Variants in KIF13B observed in about 807,000 individuals in gnomAD.
The protein encoded by KIF13B is kinesin-like protein KIF13B.
In KIF13B, 127 loss-of-function variants were observed where a neutral mutation model predicts 222.0. That is an observed-to-expected ratio of 0.57 (90% confidence interval 0.50 to 0.66). The LOEUF (loss-of-function observed/expected upper bound fraction) is 0.66, where lower values mean the gene tolerates loss of function less well. KIF13B is among the 30% of genes least tolerant of loss of function. The pLI is 0.00. For missense variants in KIF13B, 2,173 were observed against 2,379.0 expected, an observed-to-expected ratio of 0.91 and a Z score of 1.80; for synonymous variants, 976 against 919.0, an observed-to-expected ratio of 1.06 and a Z score of -1.12.
At chr8:29,247,567 G>A (rs983638592) in intron 1 of KIF13B, among the ~76,000 whole-genome samples, 4 of 152,230 alleles carry the variant, frequency 2.6e-5, no homozygotes, top group East Asian at 3.9e-4. Flanking sequence ...AATGGCTCAC[G>A]CCTGTAATCC....
rs368696178 is a variant in KIF13B at position 29,070,557 on chromosome 8, T to C, written c.5428A>G (p.Lys1810Glu). The C allele has an allele frequency of 1.3e-5, 21 of 1,608,306 alleles. No homozygotes were observed. The African/African-American group carries it at 2.7e-4, about 20-fold the overall frequency. The change falls in exon 40 of 40, where the codon AAG becomes GAG. Residue 1810 changes from lysine (K) to glutamate (E), a missense_variant. By Grantham distance (56) the Lys-to-Glu change is moderately conservative. Coordinates refer to ENST00000524189, the MANE Select transcript of KIF13B (RefSeq NM_015254.4). The surrounding 1 kb of genome is among the most constrained non-coding windows in gnomAD (Gnocchi z 4.1). ...GGGTTCTTGTGGCTCCTGTCGGCCT[T>C]GGCCAGGGCAGCTGTCAGCGAGGCC... ...NLASLTAALA[K>E]ADRSHKNPEN... is the part of the protein sequence containing the mutation.
intron 22 of KIF13B, 108 bp downstream of exon 22, chr8:29,133,932 G>T: frequency 1.9e-6 from 2 of 1,057,106 alleles, no homozygotes; most frequent in Non-Finnish European, 2.7e-6. Flanking sequence ...TACAGAAACT[G>T]CTCCAAGACA....
intron 18 of KIF13B, among the ~76,000 whole-genome samples, chr8:29,144,030 C>T (rs369948782): frequency 4.1e-5 from 6 of 144,588 alleles, no homozygotes; most frequent in African/African-American, 1.5e-4. Context: ...TAAAAAACCA[C>T]AAAGTTAAAA....
intron 18 of KIF13B, among the ~76,000 whole-genome samples, chr8:29,143,417 C>T (rs1300799472): frequency 3.9e-5 from 6 of 152,204 alleles, no homozygotes; most frequent in South Asian, 4.1e-4. Flanking sequence ...GATTCACCCA[C>T]GTGGAAGCAA....
At chr8:29,109,806 G>C (rs1359024250) in intron 33 of KIF13B, 112 bp downstream of exon 33, 3 of 1,026,462 alleles carry the variant, frequency 2.9e-6, no homozygotes, top group South Asian at 1.6e-5. Flanking sequence ...AAGTTCATTA[G>C]AGTGAACTCT....
chr8:29,195,758 A>T (rs1028680729), intron 3 of KIF13B, among the ~76,000 whole-genome samples: 1 of 152,092 alleles, frequency 6.6e-6, no homozygotes, highest in Non-Finnish European at 1.5e-5. Context: ...AGTGGGGAGG[A>T]TGAGTCGGTT....
At chr8:29,234,938 T>C (rs1815441770) in intron 2 of KIF13B, among the ~76,000 whole-genome samples, 1 of 152,202 alleles carries the variant, frequency 6.6e-6, no homozygotes, top group Non-Finnish European at 1.5e-5. Flanking sequence ...TGAATCTTTA[T>C]ACAAAACCTG....
intron 2 of KIF13B, among the ~76,000 whole-genome samples, chr8:29,200,505 C>A (rs1399027211): frequency 6.6e-6 from 1 of 152,114 alleles, no homozygotes; most frequent in Admixed American, 6.5e-5. Flanking sequence ...CAAAAAGCTC[C>A]AAAAATAGTA....
rs1812464936 is a variant in KIF13B at position 29,176,058 on chromosome 8, A to C, written c.945+10T>G. ...AAAGTATGCCAGGAAGGGAAAAAAA[A>C]CAAACTTACTTTGAGCAGCCAAGTG... On this transcript the variant is annotated intron_variant, in intron 10 of 39. Coordinates refer to ENST00000524189, the MANE Select transcript of KIF13B (RefSeq NM_015254.4). 6.4e-7 allele frequency: 1 copy of C among 1,572,464 alleles called. No homozygotes were observed. Among genetic ancestry groups the C allele is most frequent in the African/African-American group, 1.3e-5 (1 of 74,182 alleles).
rs189373089 is a variant in KIF13B, at chr8:29,224,120, T to C, written c.149+21226A>G. On this transcript the variant is annotated intron_variant, in intron 2 of 39. Transcript: ENST00000524189. ...TTCACGCCATTCTCCGCCTCCCGAG[T>C]AGCTGGGACTACAGGCACCCGCCAC... Among the ~76,000 whole-genome samples, 603 of 151,574 alleles carry C rather than the reference T, an allele frequency of 4.0e-3. 4 individuals are homozygous for C. Among genetic ancestry groups the C allele is most frequent in the African/African-American group, 0.013 (552 of 41,256 alleles).
At chr8:29,159,333 A>G (rs1291413521) in intron 13 of KIF13B, among the ~76,000 whole-genome samples, 2 of 152,098 alleles carry the variant, frequency 1.3e-5, no homozygotes, top group Non-Finnish European at 2.9e-5. Context: ...TATTTTTAGT[A>G]GAGACGGAGT....
chr8:29,225,909 T>A (rs1814999202), intron 2 of KIF13B, among the ~76,000 whole-genome samples: 1 of 152,216 alleles, frequency 6.6e-6, no homozygotes, highest in Non-Finnish European at 1.5e-5. Flanking sequence ...ATCTGGCCCA[T>A]TTGCTAGTAG....
At chr8:29,126,768 C>T (rs1810130801) in intron 25 of KIF13B, among the ~76,000 whole-genome samples, 1 of 152,120 alleles carries the variant, frequency 6.6e-6, no homozygotes, top group African/African-American at 2.4e-5. Flanking sequence ...GGTTTATAGT[C>T]CCACTCGCCA....
intron 31 of KIF13B, 22 bp downstream of exon 31, chr8:29,116,809 G>T: frequency 1.3e-6 from 2 of 1,584,096 alleles, no homozygotes; most frequent in Non-Finnish European, 1.7e-6. Flanking sequence ...GGTTAGAGTC[G>T]TTTCTTCCAC....
chr8:29,193,458 C>T (rs934881247), intron 3 of KIF13B, among the ~76,000 whole-genome samples: 4 of 152,180 alleles, frequency 2.6e-5, no homozygotes, highest in Admixed American at 6.5e-5. Context: ...AAATGTGGAG[C>T]TCAAACGAAG....
At chr8:29,090,440 G>A (rs565325794) in intron 37 of KIF13B, among the ~76,000 whole-genome samples, 1 of 152,336 alleles carries the variant, frequency 6.6e-6, no homozygotes, top group South Asian at 2.1e-4. Context: ...ACAGTCCCAG[G>A]AGTGGATCGC....
At chr8:29,201,530 T>C (rs1046688973) in intron 2 of KIF13B, among the ~76,000 whole-genome samples, 3 of 152,228 alleles carry the variant, frequency 2.0e-5, no homozygotes, top group Non-Finnish European at 4.4e-5. Flanking sequence ...GTATCACATA[T>C]GTGTAAAACA....
At chr8:29,125,282 A>T (rs1007294043) in intron 26 of KIF13B, among the ~76,000 whole-genome samples, 2 of 152,188 alleles carry the variant, frequency 1.3e-5, no homozygotes, top group Non-Finnish European at 2.9e-5. Flanking sequence ...CTACATGAAT[A>T]TCAATCTTAC....
At chr8:29,230,976 A>G (rs751691874) in intron 2 of KIF13B, among the ~76,000 whole-genome samples, 5 of 152,038 alleles carry the variant, frequency 3.3e-5, no homozygotes, top group African/African-American at 4.8e-5. Context: ...ACCTCCCCAG[A>G]CTCAGGTGAT....
Sources: allele counts gnomAD v4.1 joint callset (sites outside exome capture counted in the v4.1 genomes callset), GRCh38; gene constraint gnomAD v4.1.1; non-coding constraint Gnocchi (gnomAD v3.1); transcripts MANE v1.5; gene names NCBI Gene and HGNC (gene_info 2026-07-23, HGNC 2026-07-21).